The following SUPT3H variants were observed in gnomAD, a reference collection of about 807,000 sequenced individuals.
The protein encoded by SUPT3H is transcription initiation protein SPT3 homolog.
A neutral mutation model predicts 44.3 loss-of-function variants in SUPT3H; 44 were observed. The ratio of observed to expected loss-of-function variants is 0.99; its 90% confidence interval spans 0.78 to 1.28. The LOEUF (loss-of-function observed/expected upper bound fraction) is 1.28. Ranked by LOEUF, SUPT3H falls within the 50% of genes most tolerant of loss-of-function variation. The pLI, the probability that SUPT3H is intolerant of heterozygous loss-of-function variation, is 0.00. For missense variants in SUPT3H, 380 were observed against 387.1 expected, an observed-to-expected ratio of 0.98 and a Z score of 0.15; for synonymous variants, 124 against 125.6, an observed-to-expected ratio of 0.99 and a Z score of 0.09.
chr6:45,076,756 T>A (rs1321896365), intron 3 of SUPT3H, among the ~76,000 whole-genome samples: 1 of 152,152 alleles, frequency 6.6e-6, no homozygotes, highest in East Asian at 1.9e-4. Context: ...TTTCTTACAA[T>A]CTGCTTGAAA....
chr6:45,244,072 C>T (rs1003519031), intron 2 of SUPT3H, among the ~76,000 whole-genome samples: 1 of 152,032 alleles, frequency 6.6e-6, no homozygotes, highest in South Asian at 2.1e-4. Flanking sequence ...TTTGTAGAGA[C>T]AGGGTCTCAC....
intron 2 of SUPT3H, among the ~76,000 whole-genome samples, chr6:45,283,105 C>A (rs868668325): frequency 1.4e-4 from 22 of 152,220 alleles, no homozygotes; most frequent in Non-Finnish European, 2.5e-4. Context: ...TGGAAAGGAA[C>A]AACCAGTACC....
chr6:45,060,871 A>G (rs1332121857), intron 3 of SUPT3H, among the ~76,000 whole-genome samples: 1 of 152,238 alleles, frequency 6.6e-6, no homozygotes, highest in Non-Finnish European at 1.5e-5. Flanking sequence ...TGATCATTAG[A>G]GAAGTGTAAA....
At position 45,188,952 on chromosome 6, in the gene SUPT3H, G is replaced by T. The variant is rs188960470; in HGVS notation, c.102-82946C>A. ...AATATCATTGGCACTTTTCTTTCTG[G>T]TTTTTTGTTGTTTTTGTTTTGTTTT... On this transcript the variant is annotated intron_variant, in intron 2 of 10. Coordinates refer to ENST00000371459, the MANE Select transcript of SUPT3H (RefSeq NM_003599.4). Among the ~76,000 whole-genome samples, 18 of 152,012 alleles carry T rather than the reference G, an allele frequency of 1.2e-4. 1 individual carries two copies. In the South Asian group the frequency reaches 1.5e-3, roughly 12 times the overall value.
At chr6:45,352,700 A>C (rs1363257959) in intron 2 of SUPT3H, among the ~76,000 whole-genome samples, 1 of 152,160 alleles carries the variant, frequency 6.6e-6, no homozygotes, top group African/African-American at 2.4e-5. Context: ...GAATATTCAT[A>C]ATCTACTGTA....
At chr6:44,932,006 G>T (rs929711976) in intron 10 of SUPT3H, among the ~76,000 whole-genome samples, 1 of 152,122 alleles carries the variant, frequency 6.6e-6, no homozygotes, top group Non-Finnish European at 1.5e-5. Context: ...TATAAACAGA[G>T]TAGGACTTGA....
chr6:44,961,875 A>T (rs764443309), intron 6 of SUPT3H, 47 bp from the exon 7 acceptor site: 3 of 1,444,354 alleles, frequency 2.1e-6, no homozygotes, highest in East Asian at 4.6e-5. Flanking sequence ...GCAGATTATT[A>T]TATATGTTTT....
intron 2 of SUPT3H, among the ~76,000 whole-genome samples, chr6:45,355,695 T>A (rs1406635693): frequency 6.6e-6 from 1 of 152,200 alleles, no homozygotes; most frequent in Non-Finnish European, 1.5e-5. Flanking sequence ...TATGTTCACA[T>A]ACTTCTAAAG....
chr6:44,878,145 A>G (rs1777599281), intron 10 of SUPT3H, among the ~76,000 whole-genome samples: 1 of 152,224 alleles, frequency 6.6e-6, no homozygotes, highest in South Asian at 2.1e-4. Flanking sequence ...TAAGTAATTC[A>G]TATGCTGTTG....
intron 10 of SUPT3H, among the ~76,000 whole-genome samples, chr6:44,870,962 C>A (rs952575412): frequency 4.4e-4 from 67 of 151,622 alleles, no homozygotes; most frequent in African/African-American, 1.3e-3. Context: ...CGGCGCACCA[C>A]GAGACTATAT....
At chr6:45,247,398 A>G (rs145946955) in intron 2 of SUPT3H, among the ~76,000 whole-genome samples, 23 of 152,318 alleles carry the variant, frequency 1.5e-4, no homozygotes, top group Non-Finnish European at 2.8e-4. Flanking sequence ...TACCAGCTTA[A>G]TCTAGGTCTT....
At chr6:45,083,431 C>A (rs1796086297) in intron 3 of SUPT3H, among the ~76,000 whole-genome samples, 1 of 151,792 alleles carries the variant, frequency 6.6e-6, no homozygotes, top group South Asian at 2.1e-4. Flanking sequence ...ACCTCATAAT[C>A]CACCCGCCTC....
chr6:44,901,312 G>A (rs944038189), intron 10 of SUPT3H, among the ~76,000 whole-genome samples: 5 of 152,050 alleles, frequency 3.3e-5, no homozygotes, highest in African/African-American at 1.2e-4. Flanking sequence ...AATAACCAAC[G>A]CAGAGAAGTC....
At chr6:45,293,503 G>A (rs530548758) in intron 2 of SUPT3H, among the ~76,000 whole-genome samples, 8 of 145,242 alleles carry the variant, frequency 5.5e-5, no homozygotes, top group South Asian at 4.4e-4. Context: ...AGAACTAAAC[G>A]AAACTGAAAC....
intron 2 of SUPT3H, among the ~76,000 whole-genome samples, chr6:45,331,087 C>T (rs536454494): frequency 6.6e-6 from 1 of 150,598 alleles, no homozygotes; most frequent in South Asian, 2.1e-4. Flanking sequence ...AACTGCTTCA[C>T]CTCAAATACA....
chr6:45,039,856 A>AT (rs1394645280), intron 3 of SUPT3H, among the ~76,000 whole-genome samples: 10 of 133,472 alleles, frequency 7.5e-5, no homozygotes, highest in Non-Finnish European at 1.6e-4. Flanking sequence ...AAAAAAAAAA[A>AT]ATTTTGCTAG....
chr6:44,829,629 T>C lies in SUPT3H; in HGVS notation c.*187A>G. ...TGCCATTAATTAGCTGAACAGCCCA[T>C]CTAGTAAACAAGACCGATGGTTGAG... On this transcript the variant is annotated 3_prime_UTR_variant, in exon 11 of 11. Coordinates refer to ENST00000371459, the MANE Select transcript of SUPT3H (RefSeq NM_003599.4). The C allele has an allele frequency of 1.6e-6, 1 of 615,074 alleles. No individual in the cohort carries two copies. The highest frequency in any genetic ancestry group is 2.9e-6 in the Non-Finnish European group (1 of 343,226). 38.1% of individuals were successfully genotyped at this position (615,074 alleles called of 1,614,324 possible).
chr6:45,058,002 A>G (rs530990991), intron 3 of SUPT3H, among the ~76,000 whole-genome samples: 1 of 152,206 alleles, frequency 6.6e-6, no homozygotes, highest in Non-Finnish European at 1.5e-5. Context: ...AACAATGCCA[A>G]TTAGAGAGTG....
chr6:45,084,192 A>C (rs1221102991), intron 3 of SUPT3H, among the ~76,000 whole-genome samples: 1 of 152,208 alleles, frequency 6.6e-6, no homozygotes, highest in Non-Finnish European at 1.5e-5. Flanking sequence ...AACTATTGAC[A>C]GAGTACGTTA....
Sources: gnomAD v4.1 joint callset for allele counts (sites outside exome capture counted in the v4.1 genomes callset) on GRCh38, gnomAD v4.1.1 for gene constraint, MANE v1.5 for transcripts, NCBI Gene and HGNC (gene_info 2026-07-23, HGNC 2026-07-21) for gene names.